Variants in ATRN observed in about 807,000 individuals in gnomAD.
ATRN encodes attractin.
Under a neutral mutation model 178.7 loss-of-function variants are expected in ATRN, and 54 were observed. That is an observed-to-expected ratio of 0.30 (90% CI 0.24 to 0.38). The LOEUF is 0.38. Among genes scored for constraint, ATRN ranks in the 10% least tolerant of loss-of-function variants. The probability of loss-of-function intolerance (pLI) is 1.00; values close to 1 mark genes in which losing one functional copy is unlikely to be tolerated. For missense variants in ATRN, 1,443 were observed against 1,815.1 expected (o/e 0.79, Z 3.73); for synonymous variants, 636 against 663.0 (o/e 0.96, Z 0.63).
At chr20:3,543,909 C>G (rs974230112) in intron 3 of ATRN, among the ~76,000 whole-genome samples, 5 of 152,052 alleles carry the variant, frequency 3.3e-5, no homozygotes, top group Non-Finnish European at 5.9e-5. Flanking sequence ...TGGTGTGTGC[C>G]TGTAGTCCCA....
intron 12 of ATRN, 24 bp from the exon 13 acceptor site, chr20:3,575,803 C>A (rs746345754): frequency 1.9e-6 from 3 of 1,591,008 alleles, no homozygotes; most frequent in African/African-American, 1.3e-5. Flanking sequence ...TGTCCCAGTT[C>A]ATGAGATTTT....
chr20:3,512,754 T>C (rs531876276), intron 1 of ATRN, among the ~76,000 whole-genome samples: 1 of 152,308 alleles, frequency 6.6e-6, no homozygotes, highest in Admixed American at 6.5e-5. Context: ...TTTCTCCACA[T>C]CCTCTCCAGC....
chr20:3,609,456 T>A (rs968337002), intron 24 of ATRN, among the ~76,000 whole-genome samples: 3 of 152,232 alleles, frequency 2.0e-5, no homozygotes, highest in African/African-American at 7.2e-5. Flanking sequence ...TATATAAGAT[T>A]ATATCAACTG....
rs555137986 is a variant in ATRN, at chr20:3,612,043, G to A, written c.3801+7781G>A. On this transcript the variant is annotated intron_variant, in intron 24 of 28. Transcript: ENST00000262919. ...TGTTCTCACAAATCTCTGTACACCC[G>A]TGTTTATAGCACTTGAAAGCAATAT... Among the ~76,000 whole-genome samples, 26 of 152,252 alleles carry A rather than the reference G, an allele frequency of 1.7e-4. 1 individual carries two copies. The highest frequency in any genetic ancestry group is 1.2e-3 in the Admixed American group (19 of 15,308).
At chr20:3,492,203 G>A (rs1372874082) in intron 1 of ATRN, among the ~76,000 whole-genome samples, 1 of 148,226 alleles carries the variant, frequency 6.7e-6, no homozygotes, top group South Asian at 2.1e-4. Context: ...GTGTGTGTGT[G>A]TATCCGTTCT....
chr20:3,582,182 G>T lies in ATRN; in HGVS notation c.2592G>T (p.Val864=). 1.2e-6 allele frequency: 2 copies of T among 1,614,178 alleles called. No homozygotes were observed. The highest frequency in any genetic ancestry group is 1.7e-6 in the Non-Finnish European group (2 of 1,180,022). Residue 864 remains valine (V), a synonymous_variant, in exon 16 of 29, where the codon GTG becomes GTT. Transcript: ENST00000262919. The part of the protein sequence containing the change: ...TPWVGLRKIN[V]SYWCWEDMSP... ...GGGTCGGCCTTCGGAAGATCAATGTGTCCTACTGGTGCTGGGAAGATATGT... is the reference window on the plus strand; with the variant it reads ...GGGTCGGCCTTCGGAAGATCAATGTTTCCTACTGGTGCTGGGAAGATATGT...
rs3084238 is a variant in ATRN, at chr20:3,485,610, G to GTTTTTTTTTTTTTTTTTTTTTTTT, written c.410+14099_410+14122dup. ...TGGTTTGCCAATACATTTTTTTGAG[G>GTTTTTTTTTTTTTTTTTTTTTTTT]TTTTTTTTTTTTTTTTTTTTTTTTT... On this transcript the variant is annotated intron_variant, in intron 1 of 28. Coordinates refer to ENST00000262919, the MANE Select transcript of ATRN (RefSeq NM_139321.3). Among the ~76,000 whole-genome samples, 15 of 67,896 alleles carry GTTTTTTTTTTTTTTTTTTTTTTTT rather than the reference G, an allele frequency of 2.2e-4. 1 individual carries two copies. The highest frequency in any genetic ancestry group is 3.7e-4 in the Non-Finnish European group (13 of 35,134). The allele number at this position is 67,896 out of a possible 152,430, so 44.5% of individuals were successfully genotyped here. A position where few individuals can be genotyped will look rare whatever the true frequency, so the allele number is the denominator to read the frequency against.
At chr20:3,575,084 C>A (rs997803286) in intron 12 of ATRN, among the ~76,000 whole-genome samples, 1 of 152,160 alleles carries the variant, frequency 6.6e-6, no homozygotes, top group African/African-American at 2.4e-5. Context: ...CTGCCTCAGC[C>A]TCCTGAGTAG....
intron 5 of ATRN, among the ~76,000 whole-genome samples, chr20:3,547,880 G>A (rs561637030): frequency 1.6e-5 from 1 of 63,770 alleles, no homozygotes; most frequent in East Asian, 0.024. Context: ...AAAGGAGTTA[G>A]CTAATAGTTA....
chr20:3,485,610 G>GTTTTTT lies in ATRN; in HGVS notation c.410+14117_410+14122dup, dbSNP rs3084238. Among the ~76,000 whole-genome samples the GTTTTTT allele has an allele frequency of 8.9e-3, 607 of 67,840 alleles. 42 individuals are homozygous for GTTTTTT. Among genetic ancestry groups the GTTTTTT allele is most frequent in the African/African-American group, 0.01 (188 of 18,098 alleles). 44.5% of individuals were successfully genotyped at this position (67,840 alleles called of 152,430 possible). A position where few individuals can be genotyped will look rare whatever the true frequency, so the allele number is the denominator to read the frequency against. The stretch of plus-strand genomic sequence containing the variant: ...TGGTTTGCCAATACATTTTTTTGAG[G>GTTTTTT]TTTTTTTTTTTTTTTTTTTTTTTTT... On this transcript the variant is annotated intron_variant, in intron 1 of 28. Transcript: ENST00000262919.
At position 3,504,688 on chromosome 20, in the gene ATRN, GATAATAATAATAATAATAATAATAATA is replaced by G. The variant is rs60176330; in HGVS notation, c.411-30540_411-30514del. Among the ~76,000 whole-genome samples the G allele has an allele frequency of 2.0e-3, 276 of 135,932 alleles. 2 individuals carry two copies. Among genetic ancestry groups the G allele is most frequent in the Non-Finnish European group, 3.0e-3 (192 of 64,148 alleles). 89.2% of individuals were successfully genotyped at this position (135,932 alleles called of 152,430 possible). A position where few individuals can be genotyped will look rare whatever the true frequency, so the allele number is the denominator to read the frequency against. ...CAATAAGAGTGAAACTCTGTCTTAAGATAATAATAATAATAATAATAATAATAATAATAATAATAATAATAATAATAG... is the reference window on the plus strand; with the variant it reads ...CAATAAGAGTGAAACTCTGTCTTAAGATAATAATAATAATAATAATAATAG... On this transcript the variant is annotated intron_variant, in intron 1 of 28. Transcript: ENST00000262919.
intron 6 of ATRN, among the ~76,000 whole-genome samples, chr20:3,552,358 G>A (rs1305728341): frequency 6.6e-6 from 1 of 151,948 alleles, no homozygotes; most frequent in Non-Finnish European, 1.5e-5. Flanking sequence ...CAACCTTCTG[G>A]CTGTGTACTA....
intron 11 of ATRN, 70 bp downstream of exon 11, chr20:3,565,502 T>C: frequency 7.4e-7 from 1 of 1,356,452 alleles, no homozygotes; most frequent in Non-Finnish European, 1.0e-6. Flanking sequence ...GCACGGTGGC[T>C]CACGCCTGTA....
In ATRN at chr20:3,471,026, G is replaced by A. The variant is rs1388499364; in HGVS notation, c.-82G>A. The A allele has an allele frequency of 2.8e-6, 4 of 1,403,508 alleles. No individual in the cohort carries two copies. The highest frequency in any genetic ancestry group is 6.1e-5 in the East Asian group (2 of 32,606). The allele number at this position is 1,403,508 out of a possible 1,614,324, so 86.9% of individuals were successfully genotyped here. On this transcript the variant is annotated 5_prime_UTR_variant, in exon 1 of 29. Coordinates refer to ENST00000262919, the MANE Select transcript of ATRN (RefSeq NM_139321.3). ...CACGAGCCACCGTCCGCACAGCCCCGCCCCGCACGGCCAGGCGAAGCGGAG... is the reference window on the plus strand; with the variant it reads ...CACGAGCCACCGTCCGCACAGCCCCACCCCGCACGGCCAGGCGAAGCGGAG...
At position 3,490,123 on chromosome 20, in the gene ATRN, A is replaced by G. The variant is rs1316821083; in HGVS notation, c.410+18606A>G. The G allele has an allele frequency of 3.4e-6, 5 of 1,478,418 alleles. No homozygotes were observed. In the African/African-American group the frequency reaches 5.6e-5, roughly 16 times the overall value. 91.6% of individuals were successfully genotyped at this position (1,478,418 alleles called of 1,614,324 possible). On this transcript the variant is annotated intron_variant, in intron 1 of 28. Coordinates refer to ENST00000262919, the MANE Select transcript of ATRN (RefSeq NM_139321.3). ...TTTGATTTGGGATTTTTGGCAAACAAAGAGTTATCAAGTGACTCCAGGGAC... is the reference window on the plus strand; with the variant it reads ...TTTGATTTGGGATTTTTGGCAAACAGAGAGTTATCAAGTGACTCCAGGGAC...
At chr20:3,608,925 C>G (rs925427585) in intron 24 of ATRN, among the ~76,000 whole-genome samples, 3 of 150,690 alleles carry the variant, frequency 2.0e-5, no homozygotes, top group Non-Finnish European at 2.9e-5. Flanking sequence ...CAAGATTACG[C>G]CACTACATTC....
chr20:3,513,948 C>G (rs1368267672), intron 1 of ATRN, among the ~76,000 whole-genome samples: 2 of 152,038 alleles, frequency 1.3e-5, no homozygotes, highest in African/African-American at 4.8e-5. Flanking sequence ...GATTTTGTAT[C>G]CTGAGAGTTT....
chr20:3,526,151 C>G (rs1255592896), intron 1 of ATRN, among the ~76,000 whole-genome samples: 2 of 152,134 alleles, frequency 1.3e-5, no homozygotes, highest in East Asian at 1.9e-4. Context: ...TTAGAAAGCC[C>G]CATCGTCTCA....
chr20:3,562,313 C>T lies in ATRN; in HGVS notation c.1485C>T (p.Ala495=). 1 of 1,614,026 alleles carries T rather than the reference C, an allele frequency of 6.2e-7. No individual in the cohort carries two copies. The highest frequency in any genetic ancestry group is 8.5e-7 in the Non-Finnish European group (1 of 1,179,952). The change falls in exon 9 of 29, where the codon GCC becomes GCT. Residue 495 remains alanine, a synonymous_variant. Coordinates refer to ENST00000262919, the MANE Select transcript of ATRN (RefSeq NM_139321.3). ...GGAGTATATTACACACCCAGGGTGC[C>T]CTTGTGCAAGGGGGTTACGGCCATA... ...NTWSILHTQG[A]LVQGGYGHSS...
Sources: gnomAD v4.1 joint callset for allele counts (sites outside exome capture counted in the v4.1 genomes callset) on GRCh38, gnomAD v4.1.1 for gene constraint, MANE v1.5 for transcripts, NCBI Gene and HGNC (gene_info 2026-07-23, HGNC 2026-07-21) for gene names.